Variants in SEPTIN8 observed in about 807,000 individuals in gnomAD.
SEPTIN8 encodes the protein septin-8.
In SEPTIN8, 22 loss-of-function variants were observed where a neutral mutation model predicts 53.1. The ratio of observed to expected loss-of-function variants is 0.41; its 90% confidence interval spans 0.30 to 0.59. The LOEUF (loss-of-function observed/expected upper bound fraction) is 0.59. Among genes scored for constraint, SEPTIN8 ranks in the 20% least tolerant of loss-of-function variants. SEPTIN8 has a pLI of 0.24. For synonymous variants in SEPTIN8, 228 were observed against 248.4 expected, an observed-to-expected ratio of 0.92 and a Z score of 0.77; for missense variants, 536 against 638.7, an observed-to-expected ratio of 0.84 and a Z score of 1.73.
intron 5 of SEPTIN8, 152 bp from the exon 6 acceptor site, chr5:132,762,048 A>C: frequency 1.5e-6 from 1 of 670,606 alleles, no homozygotes; most frequent in East Asian, 2.8e-5. Flanking sequence ...TTCTGGAGAA[A>C]TGTCCCAGAA....
rs1025757877 is a variant in SEPTIN8, at chr5:132,760,114, G to A, written c.1286+688C>T. ...GCCGCTTTCCTCCCTTAAGCCCTGC[G>A]GGCCCTTCAGAACAGCTGTGTGGTG... is the stretch of plus-strand genomic sequence containing the variant. On this transcript the variant is annotated intron_variant, in intron 9 of 9. Transcript: ENST00000378719. This position sits in a 1 kb window ranked among gnomAD's most constrained non-coding sequence, Gnocchi z 5.2. Among the ~76,000 whole-genome samples the A allele has an allele frequency of 3.9e-5, 6 of 152,038 alleles. No individual in the cohort carries two copies. Among genetic ancestry groups the A allele is most frequent in the Admixed American group, 6.6e-5 (1 of 15,262 alleles).
chr5:132,753,053 T>C, intron 9 of SEPTIN8: 1 of 1,118,156 alleles, frequency 8.9e-7, no homozygotes, highest in South Asian at 1.3e-5. Flanking sequence ...TGGCTTGTTA[T>C]GAATCCTGTA....
chr5:132,767,983 A>G (rs1161913674), intron 1 of SEPTIN8, among the ~76,000 whole-genome samples: 6 of 148,316 alleles, frequency 4.0e-5, no homozygotes, highest in African/African-American at 1.3e-4. Context: ...ACACACACAC[A>G]CACGCAGCCG....
At chr5:132,765,190 C>T (rs952224714) in intron 2 of SEPTIN8, among the ~76,000 whole-genome samples, 1 of 152,092 alleles carries the variant, frequency 6.6e-6, no homozygotes, top group Non-Finnish European at 1.5e-5. Context: ...CTTTCATGTG[C>T]CCGATCCAGT....
At chr5:132,757,524 T>C (rs905316291) in intron 9 of SEPTIN8, 29 of 985,478 alleles carry the variant, frequency 2.9e-5, no homozygotes, top group Non-Finnish European at 3.4e-5. Context: ...CACAATAAAT[T>C]AGCACGTCTT....
At position 132,751,784 on chromosome 5, in the gene SEPTIN8, T is replaced by G; in HGVS notation, c.*232A>C. 1.5e-6 allele frequency: 1 copy of G among 687,290 alleles called. No homozygotes were observed. Among genetic ancestry groups the G allele is most frequent in the African/African-American group, 1.8e-5 (1 of 54,934 alleles). 42.6% of individuals were successfully genotyped at this position (687,290 alleles called of 1,614,324 possible). A position where few individuals can be genotyped will look rare whatever the true frequency, so the allele number is the denominator to read the frequency against. On this transcript the variant is annotated 3_prime_UTR_variant, in exon 10 of 10. Transcript: ENST00000378719. ...TTTTTTTTGGTCCCGGAGTGGAAGCTCAGCTTGGCCACAGGATGGGCATTA... is the reference window on the plus strand; with the variant it reads ...TTTTTTTTGGTCCCGGAGTGGAAGCGCAGCTTGGCCACAGGATGGGCATTA...
At position 132,751,977 on chromosome 5, in the gene SEPTIN8, G is replaced by T. The variant is rs768698720; in HGVS notation, c.*39C>A. On this transcript the variant is annotated 3_prime_UTR_variant, in exon 10 of 10. Coordinates refer to ENST00000378719, the MANE Select transcript of SEPTIN8 (RefSeq NM_001098811.2). ...ACCATGGTCTCCAGTTCCATGCCCT[G>T]GTGGTCCTGAGCTGGCCCCATGTGT... 19 of 1,610,910 alleles carry T rather than the reference G, an allele frequency of 1.2e-5. No individual in the cohort carries two copies. Among genetic ancestry groups the T allele is most frequent in the Non-Finnish European group, 1.5e-5 (18 of 1,178,776 alleles).
At chr5:132,763,257 C>T (rs887833880) in intron 4 of SEPTIN8, among the ~76,000 whole-genome samples, 2 of 152,162 alleles carry the variant, frequency 1.3e-5, no homozygotes, top group African/African-American at 2.4e-5. Context: ...GGCCTTAACT[C>T]TCCTCTCCCT....
In SEPTIN8 at chr5:132,761,018, T is replaced by C. The variant is rs1276812476; in HGVS notation, c.1096-26A>G. On this transcript the variant is annotated intron_variant, in intron 8 of 9. Transcript: ENST00000378719. This position sits in a 1 kb window ranked among gnomAD's most constrained non-coding sequence, Gnocchi z 5.8. The stretch of plus-strand genomic sequence containing the variant: ...CTGGCATCAGAAAGGGGGCAGAAGA[T>C]GCGGGGAGCAAGAGGAGGGCTTGAG... The C allele has an allele frequency of 6.3e-7, 1 of 1,585,286 alleles. No individual in the cohort carries two copies. Among genetic ancestry groups the C allele is most frequent in the African/African-American group, 1.3e-5 (1 of 74,514 alleles).
At position 132,777,068 on chromosome 5, in the gene SEPTIN8, C is replaced by A; in HGVS notation, c.30+40G>T. The A allele has an allele frequency of 1.8e-6, 2 of 1,139,372 alleles. No homozygotes were observed. The highest frequency in any genetic ancestry group is 2.2e-6 in the Non-Finnish European group (2 of 924,878). 70.6% of individuals were successfully genotyped at this position (1,139,372 alleles called of 1,614,324 possible). On this transcript the variant is annotated intron_variant, in intron 1 of 9. Transcript: ENST00000378719. This position sits in a 1 kb window ranked among gnomAD's most constrained non-coding sequence, Gnocchi z 4.1. ...CTGCAGGGCGGCCCCTCCTGCGCCC[C>A]GCGCCTCCCGCGCGCGCCGTGGCCC...
rs1757496760 is a variant in SEPTIN8 at position 132,773,341 on chromosome 5, C to T, written c.30+3767G>A. On this transcript the variant is annotated intron_variant, in intron 1 of 9. Coordinates refer to ENST00000378719, the MANE Select transcript of SEPTIN8 (RefSeq NM_001098811.2). The surrounding 1 kb of genome is among the most constrained non-coding windows in gnomAD (Gnocchi z 4.2). ...GGAAGGCTGGGGAGGCTGCAAGGGA[C>T]ACACAGAGGCCAGCTGGCCCTCAGG... Among the ~76,000 whole-genome samples, 1 of 152,228 alleles carries T rather than the reference C, an allele frequency of 6.6e-6. No homozygotes were observed. Among genetic ancestry groups the T allele is most frequent in the African/African-American group, 2.4e-5 (1 of 41,472 alleles).
At chr5:132,770,155 A>G (rs1319372849) in intron 1 of SEPTIN8, among the ~76,000 whole-genome samples, 1 of 124,948 alleles carries the variant, frequency 8.0e-6, no homozygotes, top group Non-Finnish European at 1.5e-5. Flanking sequence ...GTATATATAT[A>G]TATATATATA....
At chr5:132,775,691 GAA>G (rs1269629587) in intron 1 of SEPTIN8, 1 of 152,228 alleles carries the variant, frequency 6.6e-6, no homozygotes, top group Non-Finnish European at 1.5e-5. Flanking sequence ...GCTGGGCACA[GAA>G]AATGCACACA....
chr5:132,763,540 A>G (rs765714021), intron 4 of SEPTIN8, among the ~76,000 whole-genome samples, 166 bp downstream of exon 4: 17 of 152,248 alleles, frequency 1.1e-4, no homozygotes, highest in Non-Finnish European at 2.2e-4. Context: ...CCACTGGAGC[A>G]GGAGGAACAG....
At chr5:132,764,920 C>T (rs1756427065) in intron 2 of SEPTIN8, among the ~76,000 whole-genome samples, 1 of 152,002 alleles carries the variant, frequency 6.6e-6, no homozygotes, top group Non-Finnish European at 1.5e-5. Flanking sequence ...AGGACACCTG[C>T]AGAGGGACCA....
chr5:132,775,315 G>A (rs2150008499), intron 1 of SEPTIN8, among the ~76,000 whole-genome samples: 1 of 152,322 alleles, frequency 6.6e-6, no homozygotes, highest in East Asian at 1.9e-4. Context: ...GCCATGAACA[G>A]GGCAAATGCA....
At chr5:132,778,129 CA>C (rs1757946280), upstream of SEPTIN8, 1 of 958,606 alleles carries the variant, frequency 1.0e-6, no homozygotes, top group South Asian at 4.8e-5. Flanking sequence ...TTCTCACTGA[CA>C]ATCTATACAA....
rs1242283279 is a variant in SEPTIN8 at position 132,770,998 on chromosome 5, A to G, written c.31-5469T>C. On this transcript the variant is annotated intron_variant, in intron 1 of 9. Transcript: ENST00000378719. ...CACATCAAAGACAACAACCAAAACA[A>G]TAACTTCTCAGGCCGGCTGCGTGCC... is the stretch of plus-strand genomic sequence containing the variant. Among the ~76,000 whole-genome samples, 4 of 152,170 alleles carry G rather than the reference A, an allele frequency of 2.6e-5. No individual in the cohort carries two copies. In the South Asian group the frequency reaches 8.3e-4, roughly 32 times the overall value.
chr5:132,755,690 A>G (rs1458711236), intron 9 of SEPTIN8, among the ~76,000 whole-genome samples: 5 of 152,084 alleles, frequency 3.3e-5, no homozygotes, highest in African/African-American at 7.2e-5. Context: ...AAGGAGGAAC[A>G]CTCCTCAAGG....
Sources: gnomAD v4.1 joint callset for allele counts (sites outside exome capture counted in the v4.1 genomes callset) on GRCh38, gnomAD v4.1.1 for gene constraint, Gnocchi (gnomAD v3.1) non-coding constraint, MANE v1.5 for transcripts, NCBI Gene and HGNC (gene_info 2026-07-23, HGNC 2026-07-21) for gene names.